The following C11orf65 variants were observed in gnomAD, a reference collection of about 807,000 sequenced individuals.
The protein encoded by C11orf65 is protein MFI.
A neutral mutation model predicts 35.3 loss-of-function variants in C11orf65; 38 were observed. The observed-to-expected ratio is 1.08, with a 90% confidence interval of 0.83 to 1.41. The LOEUF (loss-of-function observed/expected upper bound fraction) is 1.41, where lower values mean the gene tolerates loss of function less well. Ranked by LOEUF, C11orf65 falls within the 40% of genes most tolerant of loss-of-function variation. C11orf65 has a pLI of 0.00. For synonymous variants in C11orf65, 105 were observed against 114.4 expected (o/e 0.92, Z 0.53); for missense variants, 370 against 367.1 (o/e 1.01, Z -0.06).
In C11orf65 at chr11:108,310,017, G is replaced by C. The variant is rs546289955; in HGVS notation, c.641-946C>G. The C allele has an allele frequency of 4.0e-6, 3 of 758,418 alleles. No individual in the cohort carries two copies. In the South Asian group the frequency reaches 5.4e-5, roughly 14 times the overall value. The allele number at this position is 758,418 out of a possible 1,614,324, so 47.0% of individuals were successfully genotyped here. A position where few individuals can be genotyped will look rare whatever the true frequency, so the allele number is the denominator to read the frequency against. Reference sequence around the variant, plus strand: ...GCCATGTTATCTTATAATGTTTATAGGTATATATTGGGGAAATGTGGTTTT... The same window carrying C: ...GCCATGTTATCTTATAATGTTTATACGTATATATTGGGGAAATGTGGTTTT... On this transcript the variant is annotated intron_variant, in intron 6 of 6. Transcript: ENST00000525729.
At chr11:108,336,202 G>A (rs1349982611) in intron 2 of C11orf65, 2 of 412,626 alleles carry the variant, frequency 4.8e-6, no homozygotes, top group African/African-American at 2.0e-5. Context: ...CTACATGGGA[G>A]GCTGAGGTGG....
intron 6 of C11orf65, chr11:108,317,615 T>TTTTATATA (rs1225638961): frequency 4.7e-6 from 1 of 211,244 alleles, no homozygotes; most frequent in East Asian, 1.4e-4. Flanking sequence ...AGGAGTTGTT[T>TTTTATATA]TATATATATA....
Position 108,312,744 on chromosome 11 carries a change from A to G in C11orf65, c.641-3673T>C, listed in dbSNP as rs375420708. On this transcript the variant is annotated intron_variant, in intron 6 of 6. Coordinates refer to the C11orf65 transcript ENST00000525729. ...ACGAAGGTAAAACCACCTGTCTCAG[A>G]GTTTATGCCATGCATTTTCTGCCAT... Among the ~76,000 whole-genome samples the G allele has an allele frequency of 9.2e-5, 14 of 152,330 alleles. No individual in the cohort carries two copies. In the East Asian group the frequency reaches 1.2e-3, roughly 13 times the overall value.
intron 2 of C11orf65, among the ~76,000 whole-genome samples, chr11:108,339,928 ATCAT>A (rs2087322230): frequency 6.6e-6 from 1 of 152,162 alleles, no homozygotes; most frequent in South Asian, 2.1e-4. Flanking sequence ...AGGCCATGAG[ATCAT>A]TCATTTGTTT....
intron 6 of C11orf65, among the ~76,000 whole-genome samples, chr11:108,396,324 C>T (rs1472089129): frequency 2.6e-5 from 4 of 151,620 alleles, no homozygotes; most frequent in African/African-American, 9.7e-5. Context: ...AACTCCTGAC[C>T]TCAAGTGATC....
chr11:108,385,980 G>A lies in C11orf65; in HGVS notation c.732-5C>T. ...TCCTTCCAGCTGGCAATGTACCTAAGCACATTATATGAGGATTCATTAAAT... is the reference window on the plus strand; with the variant it reads ...TCCTTCCAGCTGGCAATGTACCTAAACACATTATATGAGGATTCATTAAAT... On this transcript the variant is annotated splice_region_variant and splice_polypyrimidine_tract_variant and intron_variant, in intron 7 of 8. Coordinates refer to ENST00000393084, the MANE Select transcript of C11orf65 (RefSeq NM_152587.5). 6.2e-7 allele frequency: 1 copy of A among 1,611,686 alleles called. No homozygotes were observed. The highest frequency in any genetic ancestry group is 8.5e-7 in the Non-Finnish European group (1 of 1,178,064).
chr11:108,393,145 G>A, intron 7 of C11orf65, 63 bp downstream of exon 7: 1 of 1,483,968 alleles, frequency 6.7e-7, no homozygotes, highest in Non-Finnish European at 9.1e-7. Flanking sequence ...AAGGAAATAG[G>A]AAATGTTAGA....
downstream of C11orf65, chr11:108,330,565 T>C: frequency 1.2e-6 from 1 of 857,606 alleles, no homozygotes; most frequent in Non-Finnish European, 1.9e-6. Context: ...TGTAGTTTTC[T>C]AAACTTTGAT....
intron 3 of C11orf65, among the ~76,000 whole-genome samples, chr11:108,334,347 G>A (rs4988130): frequency 0.022 from 3,372 of 152,174 alleles, 127 homozygotes; most frequent in African/African-American, 0.076. Flanking sequence ...TGTATTGGCT[G>A]TGATATATCA....
At chr11:108,453,397 GAAT>G (rs1416036750) in intron 2 of C11orf65, among the ~76,000 whole-genome samples, 1 of 151,692 alleles carries the variant, frequency 6.6e-6, no homozygotes, top group Non-Finnish European at 1.5e-5. Context: ...TAAGCCCAAT[GAAT>G]ACAGTAATTA....
At chr11:108,424,599 TCAA>T (rs1388279186) in intron 3 of C11orf65, among the ~76,000 whole-genome samples, 1 of 152,220 alleles carries the variant, frequency 6.6e-6, no homozygotes, top group East Asian at 1.9e-4. Flanking sequence ...ATTAGACAGA[TCAA>T]CGAGACAGAA....
chr11:108,373,748 G>A (rs916843679), intron 2 of C11orf65, among the ~76,000 whole-genome samples: 8 of 152,214 alleles, frequency 5.3e-5, no homozygotes, highest in East Asian at 1.9e-4. Context: ...AAGCGCAAGG[G>A]GTCCGGGAGT....
At chr11:108,441,319 C>T (rs964303321) in intron 2 of C11orf65, among the ~76,000 whole-genome samples, 8 of 152,288 alleles carry the variant, frequency 5.3e-5, no homozygotes, top group Middle Eastern at 6.8e-3. Context: ...ACAAAGCAGC[C>T]GGGAAGCTCG....
intron 2 of C11orf65, among the ~76,000 whole-genome samples, chr11:108,363,013 C>T (rs1034787171): frequency 3.9e-5 from 6 of 152,084 alleles, no homozygotes; most frequent in Non-Finnish European, 8.8e-5. Context: ...CCCTCCAATG[C>T]TTTGTGTATT....
intron 3 of C11orf65, among the ~76,000 whole-genome samples, chr11:108,421,779 T>C (rs572615652): frequency 3.9e-5 from 6 of 152,324 alleles, no homozygotes; most frequent in Admixed American, 1.3e-4. Context: ...CCACAGCTGC[T>C]GCCAAGCTGG....
rs543575877 is a variant in C11orf65 at position 108,437,483 on chromosome 11, A to T, written c.82-5645T>A. 3.3e-5 allele frequency among the ~76,000 whole-genome samples: 5 copies of T among 152,198 alleles called. No homozygotes were observed. In the East Asian group the frequency reaches 9.7e-4, roughly 29 times the overall value. On this transcript the variant is annotated intron_variant, in intron 2 of 8. Coordinates refer to ENST00000393084, the MANE Select transcript of C11orf65 (RefSeq NM_152587.5). The stretch of plus-strand genomic sequence containing the variant: ...CACTTTGGGAGGCTGAGGCGGGCAG[A>T]TCATGAGGTCAAGAGATCGAAACCA...
rs752705487 is a variant in C11orf65 at position 108,335,837 on chromosome 11, T to G, written c.227-545A>C. 6.2e-7 allele frequency: 1 copy of G among 1,607,556 alleles called. No homozygotes were observed. The highest frequency in any genetic ancestry group is 8.5e-7 in the Non-Finnish European group (1 of 1,174,224). ...GTACTTGTTTATTCATGCTTAATTA[T>G]TCTGAAGGGCCGTGATGACCTGAGA... On this transcript the variant is annotated intron_variant, in intron 2 of 3. Transcript: ENST00000524755.
chr11:108,332,303 G>C (rs1009563642), intron 3 of C11orf65, among the ~76,000 whole-genome samples: 5 of 152,024 alleles, frequency 3.3e-5, no homozygotes, highest in African/African-American at 1.2e-4. Context: ...ATGGTGGTGG[G>C]CACCTGTAGT....
downstream of C11orf65, chr11:108,327,480 G>C (rs1475002516): frequency 5.0e-6 from 3 of 595,720 alleles, no homozygotes; most frequent in Non-Finnish European, 6.0e-6. Flanking sequence ...TCCTACATGG[G>C]ATTATTAAAA....
Sources: allele counts gnomAD v4.1 joint callset (sites outside exome capture counted in the v4.1 genomes callset), GRCh38; gene constraint gnomAD v4.1.1; transcripts MANE v1.5; gene names NCBI Gene and HGNC (gene_info 2026-07-23, HGNC 2026-07-21).